TEX29: variants seen among roughly 807,000 people sequenced by gnomAD.
The protein encoded by TEX29 is testis expressed 29.
Under a neutral mutation model 18.2 loss-of-function variants are expected in TEX29, and 26 were observed. The observed-to-expected ratio is 1.43, with a 90% CI of 1.04 to 1.98. TEX29 has a LOEUF of 1.98. Among genes scored for constraint, TEX29 ranks in the 30% most tolerant of loss-of-function variants. TEX29 has a pLI of 0.00. For missense variants in TEX29, 177 were observed against 194.2 expected, an observed-to-expected ratio of 0.91 and a Z score of 0.53; for synonymous variants, 83 against 78.5, an observed-to-expected ratio of 1.06 and a Z score of -0.31.
At position 111,322,309 on chromosome 13, in the gene TEX29, G is replaced by A. The variant is rs77255957; in HGVS notation, c.58+1361G>A. ...GCCTGGGGCCCCGAGGGAACGGGCCGCTCTTGTGGACGGCTGGGGTGGCCC... is the reference window on the plus strand; with the variant it reads ...GCCTGGGGCCCCGAGGGAACGGGCCACTCTTGTGGACGGCTGGGGTGGCCC... On this transcript the variant is annotated intron_variant, in intron 2 of 5. Coordinates refer to ENST00000283547, the MANE Select transcript of TEX29 (RefSeq NM_152324.3). Among the ~76,000 whole-genome samples the A allele has an allele frequency of 7.0e-3, 1,072 of 152,326 alleles. 3 individuals are homozygous for A. Among genetic ancestry groups the A allele is most frequent in the African/African-American group, 0.015 (632 of 41,570 alleles).
chr13:111,316,954 T>C (rs2093655574), upstream of TEX29, among the ~76,000 whole-genome samples: 1 of 151,936 alleles, frequency 6.6e-6, no homozygotes, highest in Non-Finnish European at 1.5e-5. Flanking sequence ...TTTAAAACCA[T>C]CAGCTGTATC....
upstream of TEX29, among the ~76,000 whole-genome samples, chr13:111,319,990 C>A (rs1464295254): frequency 6.6e-6 from 1 of 152,220 alleles, no homozygotes; most frequent in Non-Finnish European, 1.5e-5. Flanking sequence ...GAATAAAGGC[C>A]ACCATCCTCA....
At chr13:111,328,842 G>T (rs1019704993) in intron 3 of TEX29, among the ~76,000 whole-genome samples, 13 of 152,178 alleles carry the variant, frequency 8.5e-5, no homozygotes, top group African/African-American at 2.7e-4. Flanking sequence ...GAGGACAACA[G>T]GCAACCAGTG....
chr13:111,317,263 T>C (rs1166882782), upstream of TEX29, among the ~76,000 whole-genome samples: 1 of 152,110 alleles, frequency 6.6e-6, no homozygotes, highest in Admixed American at 6.5e-5. Flanking sequence ...AGCCGTCCAC[T>C]CTGAGGCCGT....
chr13:111,321,904 A>G (rs1322444709), intron 2 of TEX29, among the ~76,000 whole-genome samples: 1 of 152,256 alleles, frequency 6.6e-6, no homozygotes, highest in Non-Finnish European at 1.5e-5. Flanking sequence ...AGCCTGGGCG[A>G]CAAAGCGAGA....
At chr13:111,334,552 G>A (rs2153641832) in intron 3 of TEX29, among the ~76,000 whole-genome samples, 1 of 152,328 alleles carries the variant, frequency 6.6e-6, no homozygotes, top group Non-Finnish European at 1.5e-5. Flanking sequence ...AAAGCCCACA[G>A]CACTGGACAT....
At chr13:111,325,320 G>A (rs2093671027) in intron 2 of TEX29, among the ~76,000 whole-genome samples, 1 of 152,236 alleles carries the variant, frequency 6.6e-6, no homozygotes, top group Non-Finnish European at 1.5e-5. Context: ...AGTGAGCCCT[G>A]CGCTCCAGCC....
At position 111,320,886 on chromosome 13, in the gene TEX29, C is replaced by T. The variant is rs1449282390; in HGVS notation, c.-5C>T. 3 of 1,611,394 alleles carry T rather than the reference C, an allele frequency of 1.9e-6. No homozygotes were observed. The highest frequency in any genetic ancestry group is 2.7e-5 in the African/African-American group (2 of 74,216). On this transcript the variant is annotated 5_prime_UTR_variant, in exon 2 of 6. Coordinates refer to ENST00000283547, the MANE Select transcript of TEX29 (RefSeq NM_152324.3). ...GCTCGGCCCCTTCATCTGTCAGCTG[C>T]AGCAATGGAATACGTGCTGGAAGTG...
chr13:111,342,973 C>T lies in TEX29; in HGVS notation c.415+42C>T, dbSNP rs140439471. 3.4e-4 allele frequency: 551 copies of T among 1,601,566 alleles called. 3 individuals are homozygous for T. The African/African-American group carries it at 6.2e-3, about 18-fold the overall frequency. On this transcript the variant is annotated intron_variant, in intron 5 of 5. Transcript: ENST00000283547. ...ATGATCCTCAGCCTAAGGTCAAGGG[C>T]GTGGCTCTGTTCCCTCGGGAGACCT...
intron 3 of TEX29, among the ~76,000 whole-genome samples, chr13:111,333,628 T>C (rs925178662): frequency 1.3e-5 from 2 of 152,250 alleles, no homozygotes; most frequent in African/African-American, 4.8e-5. Context: ...TTTACACTGC[T>C]ATAAAGAACT....
chr13:111,328,110 C>T, intron 2 of TEX29, 73 bp from the exon 3 acceptor site: 1 of 994,744 alleles, frequency 1.0e-6, no homozygotes, highest in Non-Finnish European at 1.6e-6. Flanking sequence ...ACACCGGTTC[C>T]CAGGTTCTTT....
intron 3 of TEX29, among the ~76,000 whole-genome samples, chr13:111,336,662 C>A (rs571064959): frequency 6.6e-6 from 1 of 152,260 alleles, no homozygotes; most frequent in South Asian, 2.1e-4. Flanking sequence ...GATTTCAAAA[C>A]TTTTGTTTAA....
chr13:111,332,758 T>C lies in TEX29; in HGVS notation c.169+4465T>C, dbSNP rs572211361. On this transcript the variant is annotated intron_variant, in intron 3 of 5. Transcript: ENST00000283547. Reference sequence around the variant, plus strand: ...TCCCTTCTCTTCCTGCTTTGTTGAGTGTTTTTATCATGAAAGGGTGTTGGA... The same window carrying C: ...TCCCTTCTCTTCCTGCTTTGTTGAGCGTTTTTATCATGAAAGGGTGTTGGA... Among the ~76,000 whole-genome samples the C allele has an allele frequency of 1.4e-3, 220 of 152,316 alleles. 4 individuals carry two copies. The highest frequency in any genetic ancestry group is 2.7e-3 in the Non-Finnish European group (187 of 68,022).
intron 3 of TEX29, among the ~76,000 whole-genome samples, chr13:111,333,596 T>C (rs907384691): frequency 7.9e-5 from 12 of 152,246 alleles, no homozygotes; most frequent in Middle Eastern, 3.2e-3. Context: ...TATCTTCTAT[T>C]TGATGAATGT....
intron 3 of TEX29, among the ~76,000 whole-genome samples, chr13:111,329,816 A>G (rs1346753676): frequency 6.6e-6 from 1 of 152,056 alleles, no homozygotes; most frequent in Non-Finnish European, 1.5e-5. Context: ...GCCCACCTGG[A>G]GCGGGAGGTG....
intron 3 of TEX29, among the ~76,000 whole-genome samples, chr13:111,333,345 G>T (rs1453824579): frequency 6.6e-6 from 1 of 152,090 alleles, no homozygotes; most frequent in Admixed American, 6.5e-5. Flanking sequence ...TTCATTATGT[G>T]TATTTGATAG....
At chr13:111,317,698 T>C (rs1050919213), upstream of TEX29, among the ~76,000 whole-genome samples, 10 of 152,356 alleles carry the variant, frequency 6.6e-5, no homozygotes, top group African/African-American at 2.2e-4. Context: ...CAGAGCTTTC[T>C]TCTCGCTGGC....
chr13:111,337,179 G>A (rs919404059), intron 3 of TEX29, among the ~76,000 whole-genome samples: 1 of 152,150 alleles, frequency 6.6e-6, no homozygotes, highest in Non-Finnish European at 1.5e-5. Context: ...CAAGCTCTAG[G>A]CTACCTCTCA....
chr13:111,339,900 C>A lies in TEX29; in HGVS notation c.207C>A (p.Ile69=), dbSNP rs35344026. ...IHVFSALIVI[I]AGAFVITIIY... ...TGTTCTCTGCCTTGATTGTGATCATCGCTGGGGCCTTCGTCATCACCATCA... is the reference window on the plus strand; with the variant it reads ...TGTTCTCTGCCTTGATTGTGATCATAGCTGGGGCCTTCGTCATCACCATCA... The change falls in exon 4 of 6, where the codon ATC becomes ATA. Residue 69 remains isoleucine (I), a synonymous_variant. Transcript: ENST00000283547. The A allele has an allele frequency of 0.073, 116,999 of 1,602,488 alleles. 4,521 individuals carry two copies. Among genetic ancestry groups the A allele is most frequent in the Middle Eastern group, 0.1 (616 of 5,996 alleles).
Sources: gnomAD v4.1 joint callset for allele counts (sites outside exome capture counted in the v4.1 genomes callset) on GRCh38, gnomAD v4.1.1 for gene constraint, MANE v1.5 for transcripts, NCBI Gene and HGNC (gene_info 2026-07-23, HGNC 2026-07-21) for gene names.